DACH2: variants seen among roughly 807,000 people sequenced by gnomAD.
The protein encoded by DACH2 is dachshund family transcription factor 2.
Under a neutral mutation model 35.8 loss-of-function variants are expected in DACH2, and 17 were observed. The observed-to-expected ratio is 0.48, with a 90% CI of 0.33 to 0.71. DACH2 has a LOEUF of 0.71. Among genes scored for constraint, DACH2 ranks in the 30% least tolerant of loss-of-function variants. DACH2 has a pLI of 0.02. For missense variants in DACH2, 469 were observed against 472.7 expected (o/e 0.99, Z 0.07); for synonymous variants, 195 against 177.3 (o/e 1.10, Z -0.79).
At chrX:86,188,244 T>A (rs2147889585) in intron 1 of DACH2, among the ~76,000 whole-genome samples, 1 of 112,007 alleles carries the variant, frequency 8.9e-6, no homozygotes, top group African/African-American at 3.2e-5. Flanking sequence ...GTCTAATTGC[T>A]GTAAATTAAA....
chrX:86,342,324 C>A (rs1021127179), intron 1 of DACH2, among the ~76,000 whole-genome samples: 4 of 110,094 alleles, frequency 3.6e-5, no homozygotes, highest in South Asian at 3.9e-4. Context: ...CACAGGGAGA[C>A]CCTGTCTCTA....
chrX:86,710,572 A>AT (rs1281815056), intron 5 of DACH2, among the ~76,000 whole-genome samples: 3 of 111,755 alleles, frequency 2.7e-5, no homozygotes, highest in Non-Finnish European at 5.6e-5. Context: ...TAGTCTATTT[A>AT]TTTTTTTAAA....
chrX:86,589,268 G>T (rs1403167233), intron 3 of DACH2, among the ~76,000 whole-genome samples: 2 of 109,351 alleles, frequency 1.8e-5, no homozygotes, highest in Non-Finnish European at 1.9e-5. Context: ...TGAATTTTTG[G>T]GTCTCGATTT....
chrX:86,511,043 A>T (rs966303996), intron 2 of DACH2, among the ~76,000 whole-genome samples: 1 of 112,053 alleles, frequency 8.9e-6, no homozygotes, highest in Non-Finnish European at 1.9e-5. Context: ...TCATCCAAAT[A>T]ACAGTTACCT....
chrX:86,450,358 A>T (rs2037351934), intron 2 of DACH2, among the ~76,000 whole-genome samples: 1 of 111,588 alleles, frequency 9.0e-6, no homozygotes, highest in Admixed American at 9.6e-5. Flanking sequence ...TTTGAGGAGC[A>T]TAATGGCTTC....
rs749449951 is a variant in DACH2 at position 86,651,134 on chromosome X, G to A, written c.739G>A (p.Glu247Lys). ...LQGNGSQNGT[E>K]SEPDDLNSNT... ...GGGAAATGGAAGCCAAAATGGGACC[G>A]AATCAGAGCCTGATGATCTTAATTC... The change falls in exon 4 of 12, where the codon GAA (glutamate) becomes AAA (lysine). Residue 247 changes from glutamate (E) to lysine (K), a missense_variant. Glu to Lys is a moderately conservative substitution (Grantham distance 56). Coordinates refer to ENST00000373125, the MANE Select transcript of DACH2 (RefSeq NM_053281.3). 5.0e-6 allele frequency: 6 copies of A among 1,209,282 alleles called. No homozygotes were observed. The East Asian group carries it at 1.2e-4, about 24-fold the overall frequency.
At chrX:86,583,429 G>A (rs1457903300) in intron 3 of DACH2, among the ~76,000 whole-genome samples, 1 of 111,233 alleles carries the variant, frequency 9.0e-6, no homozygotes, top group Admixed American at 9.6e-5. Flanking sequence ...AAGTATCTCT[G>A]TTGGCAGATA....
intron 6 of DACH2, among the ~76,000 whole-genome samples, chrX:86,734,188 A>T (rs2041568975): frequency 9.0e-6 from 1 of 111,172 alleles, no homozygotes; most frequent in Admixed American, 9.6e-5. Flanking sequence ...TAAAGAGATG[A>T]GAGGGTTCTT....
chrX:86,436,867 AT>A (rs773517266), intron 2 of DACH2, among the ~76,000 whole-genome samples: 1 of 111,681 alleles, frequency 9.0e-6, no homozygotes, highest in South Asian at 3.7e-4. Flanking sequence ...AATTTGGTAG[AT>A]GTGTCTTTCA....
chrX:86,514,198 A>G (rs1351695481), intron 2 of DACH2, 81 bp from the exon 3 acceptor site: 12 of 871,942 alleles, frequency 1.4e-5, no homozygotes, highest in Non-Finnish European at 1.5e-5. Context: ...ACAAGATTTA[A>G]AAGGTAAATA....
At chrX:86,567,568 G>A (rs777584624) in intron 3 of DACH2, among the ~76,000 whole-genome samples, 10 of 111,373 alleles carry the variant, frequency 9.0e-5, no homozygotes, top group Non-Finnish European at 1.5e-4. Context: ...TTTCTCCCTC[G>A]TTTATAAGAT....
chrX:86,539,360 A>G (rs1196270279), intron 3 of DACH2, among the ~76,000 whole-genome samples: 1 of 111,438 alleles, frequency 9.0e-6, no homozygotes, highest in Non-Finnish European at 1.9e-5. Flanking sequence ...TTTTCTTTTT[A>G]AATTATCCAA....
intron 3 of DACH2, among the ~76,000 whole-genome samples, chrX:86,641,503 G>A (rs1461771702): frequency 8.9e-6 from 1 of 112,173 alleles, no homozygotes; most frequent in Non-Finnish European, 1.9e-5. Flanking sequence ...AAGGGAAGGG[G>A]AGAAGCAAAC....
chrX:86,759,442 A>G (rs1004011790), intron 7 of DACH2, among the ~76,000 whole-genome samples: 1 of 110,273 alleles, frequency 9.1e-6, no homozygotes. Context: ...AGCTACTCCT[A>G]CTTGCTTTTG....
intron 3 of DACH2, among the ~76,000 whole-genome samples, chrX:86,530,979 A>G (rs1045547845): frequency 5.4e-5 from 6 of 112,069 alleles, no homozygotes; most frequent in African/African-American, 1.9e-4. Flanking sequence ...GACTGAAAGC[A>G]TTGTGCCCCT....
intron 2 of DACH2, among the ~76,000 whole-genome samples, chrX:86,490,545 G>A (rs1284385426): frequency 2.7e-5 from 3 of 111,379 alleles, no homozygotes; most frequent in African/African-American, 9.8e-5. Flanking sequence ...ATGGAATATA[G>A]CAACTGCCTT....
chrX:86,604,492 T>C (rs1305484099), intron 3 of DACH2, among the ~76,000 whole-genome samples: 1 of 112,046 alleles, frequency 8.9e-6, no homozygotes, highest in Non-Finnish European at 1.9e-5. Flanking sequence ...ATTGTGAGCA[T>C]TTTGATTTAG....
intron 2 of DACH2, among the ~76,000 whole-genome samples, chrX:86,417,043 G>A (rs2036716145): frequency 2.4e-5 from 2 of 82,807 alleles, no homozygotes; most frequent in Non-Finnish European, 4.3e-5. Flanking sequence ...GCAGTGAGTC[G>A]AGATCATGCC....
chrX:86,469,854 G>A (rs1042838573), intron 2 of DACH2, among the ~76,000 whole-genome samples: 1 of 110,437 alleles, frequency 9.1e-6, no homozygotes, highest in Admixed American at 9.7e-5. Flanking sequence ...GTGTGTGTGT[G>A]TGTGTGTGTG....
Sources: allele counts gnomAD v4.1 joint callset (sites outside exome capture counted in the v4.1 genomes callset), GRCh38; gene constraint gnomAD v4.1.1; transcripts MANE v1.5; gene names NCBI Gene and HGNC (gene_info 2026-07-23, HGNC 2026-07-21).